PRKG1: variants seen among roughly 807,000 people sequenced by gnomAD.
PRKG1 encodes protein kinase cGMP-dependent 1.
PRKG1 carries 35 observed loss-of-function variants against 88.1 expected under a neutral mutation model. The observed-to-expected ratio is 0.40, with a 90% CI of 0.30 to 0.53. PRKG1 has a LOEUF of 0.53. Among genes scored for constraint, PRKG1 ranks in the 20% least tolerant of loss-of-function variants. The probability of loss-of-function intolerance (pLI) is 0.59; values close to 1 mark genes in which losing one functional copy is unlikely to be tolerated. For missense variants in PRKG1, 540 were observed against 839.8 expected (o/e 0.64, Z 4.41); for synonymous variants, 303 against 292.5 (o/e 1.04, Z -0.37).
chr10:51,672,065 G>T (rs1176177840), intron 3 of PRKG1, among the ~76,000 whole-genome samples: 1 of 151,764 alleles, frequency 6.6e-6, no homozygotes, highest in Non-Finnish European at 1.5e-5. Flanking sequence ...ATTTTCTGTG[G>T]TTCTACTATG....
chr10:51,550,092 C>G (rs554460158), intron 3 of PRKG1, among the ~76,000 whole-genome samples: 1 of 152,044 alleles, frequency 6.6e-6, no homozygotes, highest in Non-Finnish European at 1.5e-5. Context: ...CAAATGCACA[C>G]GAATACCATG....
chr10:51,106,573 T>G (rs773282268), intron 1 of PRKG1, among the ~76,000 whole-genome samples: 4 of 152,152 alleles, frequency 2.6e-5, no homozygotes, highest in Non-Finnish European at 4.4e-5. Flanking sequence ...TTGCTCAGAT[T>G]CACTCAGATC....
At chr10:52,189,124 TC>T (rs2132749942) in intron 9 of PRKG1, among the ~76,000 whole-genome samples, 2 of 152,342 alleles carry the variant, frequency 1.3e-5, no homozygotes, top group South Asian at 4.1e-4. Flanking sequence ...AAAATACTTT[TC>T]TGTATAAAGA....
At chr10:52,223,929 C>T (rs527662397) in intron 9 of PRKG1, among the ~76,000 whole-genome samples, 4 of 152,256 alleles carry the variant, frequency 2.6e-5, no homozygotes, top group Admixed American at 6.5e-5. Flanking sequence ...GGCATTAACA[C>T]TGCAGTCTAG....
chr10:51,705,051 A>C lies in PRKG1; in HGVS notation c.593-99534A>C, dbSNP rs184268730. Reference sequence around the variant, plus strand: ...TCTCATTACTTCTCTCCATCCCTTCACATATTCTCCTCTGGCTAAATTGTA... The same window carrying C: ...TCTCATTACTTCTCTCCATCCCTTCCCATATTCTCCTCTGGCTAAATTGTA... On this transcript the variant is annotated intron_variant, in intron 3 of 17. Transcript: ENST00000373980. Among the ~76,000 whole-genome samples the C allele has an allele frequency of 2.5e-3, 386 of 152,192 alleles. 1 individual carries two copies. Among genetic ancestry groups the C allele is most frequent in the African/African-American group, 8.5e-3 (352 of 41,510 alleles).
Position 51,470,518 on chromosome 10 carries a change from T to C in PRKG1, c.592+2682T>C, listed in dbSNP as rs180821008. The stretch of plus-strand genomic sequence containing the variant: ...CTTTCTCTTTTCTATTTTCCTTGAT[T>C]AGCCTGAAAGTTATCTGGCATCTTA... On this transcript the variant is annotated intron_variant, in intron 3 of 17. Coordinates refer to ENST00000373980, the MANE Select transcript of PRKG1 (RefSeq NM_006258.4). Among the ~76,000 whole-genome samples, 526 of 152,046 alleles carry C rather than the reference T, an allele frequency of 3.5e-3. 1 individual carries two copies. The highest frequency in any genetic ancestry group is 0.01 in the African/African-American group (424 of 41,536).
intron 2 of PRKG1, among the ~76,000 whole-genome samples, chr10:51,410,694 A>C (rs1384636167): frequency 7.9e-5 from 12 of 152,140 alleles, no homozygotes. Context: ...ATAGTAAAAC[A>C]AGTATGATAA....
intron 2 of PRKG1, among the ~76,000 whole-genome samples, chr10:51,316,014 A>G (rs927097613): frequency 2.0e-5 from 3 of 152,230 alleles, no homozygotes; most frequent in African/African-American, 7.2e-5. Flanking sequence ...GGTTAATCAC[A>G]ACAGGATCAA....
At chr10:51,104,386 T>C (rs1158920032) in intron 1 of PRKG1, among the ~76,000 whole-genome samples, 3 of 152,208 alleles carry the variant, frequency 2.0e-5, no homozygotes, top group African/African-American at 7.2e-5. Context: ...AAACTGTATA[T>C]TGTGATACTG....
chr10:52,009,259 A>G (rs1410923388), intron 5 of PRKG1, among the ~76,000 whole-genome samples: 2 of 152,184 alleles, frequency 1.3e-5, no homozygotes, highest in African/African-American at 2.4e-5. Context: ...ATGTGATTCT[A>G]TATCTAGAAA....
At chr10:51,592,456 T>C (rs1838335015) in intron 3 of PRKG1, among the ~76,000 whole-genome samples, 1 of 152,156 alleles carries the variant, frequency 6.6e-6, no homozygotes, top group African/African-American at 2.4e-5. Context: ...TTGTGCTGAC[T>C]TCCATAGCTC....
chr10:51,194,385 C>T (rs1418017757), intron 2 of PRKG1, among the ~76,000 whole-genome samples: 6 of 151,970 alleles, frequency 3.9e-5, no homozygotes, highest in Non-Finnish European at 5.9e-5. Context: ...CTATCCCTTC[C>T]CTAGCACCCA....
At chr10:52,275,612 T>C (rs2132439331) in intron 12 of PRKG1, among the ~76,000 whole-genome samples, 1 of 152,270 alleles carries the variant, frequency 6.6e-6, no homozygotes, top group African/African-American at 2.4e-5. Flanking sequence ...AATCAGTTAG[T>C]GTGATGTCTC....
At chr10:51,822,614 A>G (rs754194515) in intron 4 of PRKG1, among the ~76,000 whole-genome samples, 3 of 152,174 alleles carry the variant, frequency 2.0e-5, no homozygotes, top group Non-Finnish European at 4.4e-5. Context: ...TACCACATGG[A>G]TTGATAATGT....
At chr10:51,076,799 A>T (rs1843964389) in intron 1 of PRKG1, among the ~76,000 whole-genome samples, 1 of 152,228 alleles carries the variant, frequency 6.6e-6, no homozygotes, top group Non-Finnish European at 1.5e-5. Context: ...AATTTACAGC[A>T]TCCCATTATA....
intron 7 of PRKG1, among the ~76,000 whole-genome samples, chr10:52,123,407 G>A (rs759508167): frequency 4.6e-5 from 7 of 152,044 alleles, no homozygotes; most frequent in Non-Finnish European, 8.8e-5. Flanking sequence ...TCTCTTTTGG[G>A]TCATGTTACG....
intron 3 of PRKG1, among the ~76,000 whole-genome samples, chr10:51,772,422 T>G (rs1838326612): frequency 6.6e-6 from 1 of 152,068 alleles, no homozygotes; most frequent in Non-Finnish European, 1.5e-5. Flanking sequence ...TAAAAACTGG[T>G]GAATTAAAAA....
intron 3 of PRKG1, among the ~76,000 whole-genome samples, chr10:51,633,877 C>T (rs533241855): frequency 1.3e-5 from 2 of 152,102 alleles, no homozygotes; most frequent in East Asian, 3.9e-4. Flanking sequence ...AACTGATGAC[C>T]CCTCCACTGT....
rs112888835 is a variant in PRKG1, at chr10:51,725,285, A to G, written c.593-79300A>G. On this transcript the variant is annotated intron_variant, in intron 3 of 17. Coordinates refer to ENST00000373980, the MANE Select transcript of PRKG1 (RefSeq NM_006258.4). The stretch of plus-strand genomic sequence containing the variant: ...GAAAACTTCAGTTTAAAAATGTTTC[A>G]GGTGTCTGCACTGGCCATTTCCTTC... Among the ~76,000 whole-genome samples, 120 of 152,332 alleles carry G rather than the reference A, an allele frequency of 7.9e-4. 6 individuals are homozygous for G. The highest frequency in any genetic ancestry group is 6.8e-3 in the Middle Eastern group (2 of 294).
Sources: gnomAD v4.1 joint callset for allele counts (sites outside exome capture counted in the v4.1 genomes callset) on GRCh38, gnomAD v4.1.1 for gene constraint, MANE v1.5 for transcripts, NCBI Gene and HGNC (gene_info 2026-07-23, HGNC 2026-07-21) for gene names.